QSOX1: variants seen among roughly 807,000 people sequenced by gnomAD.
The protein encoded by QSOX1 is quiescin sulfhydryl oxidase 1.
In QSOX1, 40 loss-of-function variants were observed where a neutral mutation model predicts 76.1. That is an observed-to-expected ratio of 0.53 (90% CI 0.41 to 0.68). The LOEUF (loss-of-function observed/expected upper bound fraction) is 0.68. Among genes scored for constraint, QSOX1 ranks in the 30% least tolerant of loss-of-function variants. The pLI is 0.00. For missense variants in QSOX1, 931 were observed against 974.3 expected (o/e 0.96, Z 0.59); for synonymous variants, 392 against 413.1 (o/e 0.95, Z 0.62).
At chr1:180,189,489 G>T in intron 8 of QSOX1, 63 bp from the exon 9 acceptor site, 1 of 1,374,550 alleles carries the variant, frequency 7.3e-7, no homozygotes, top group Non-Finnish European at 9.6e-7. Flanking sequence ...CCTACCATCT[G>T]CAGGACGGGG....
rs539799238 is a variant in QSOX1 at position 180,162,020 on chromosome 1, A to T, written c.266-4471A>T. On this transcript the variant is annotated intron_variant, in intron 1 of 11. Transcript: ENST00000367602. ...AAAGCAATTAACTGTAGACAATAAG[A>T]CTTAAAATGGTTGTGGTTAAAGATC... 1.7e-4 allele frequency among the ~76,000 whole-genome samples: 26 copies of T among 152,372 alleles called. No individual in the cohort carries two copies. The South Asian group carries it at 5.4e-3, about 32-fold the overall frequency.
In QSOX1 at chr1:180,196,891, G is replaced by A. The variant is rs767513827; in HGVS notation, c.2098G>A (p.Val700Met). 5.0e-6 allele frequency: 8 copies of A among 1,593,388 alleles called. No individual in the cohort carries two copies. Among genetic ancestry groups the A allele is most frequent in the East Asian group, 2.2e-5 (1 of 44,568 alleles). Residue 700 changes from valine (V) to methionine (M), a missense_variant, in exon 12 of 12, where the codon GTG (valine) becomes ATG (methionine). Val to Met is a conservative substitution (Grantham distance 21). Transcript: ENST00000367602. This position sits in a 1 kb window ranked among gnomAD's most constrained non-coding sequence, Gnocchi z 4.1. ...ACGGGGCCGAGGCCAGTGGCTGCAG[G>A]TGCTGGGAGGGGGCTTCTCTTACCT... Reference protein sequence around the residue: ...AGRGRGQWLQVLGGGFSYLDI... With the variant: ...AGRGRGQWLQMLGGGFSYLDI...
chr1:180,195,192 C>T (rs1045778173), intron 11 of QSOX1, among the ~76,000 whole-genome samples: 6 of 152,126 alleles, frequency 3.9e-5, no homozygotes, highest in South Asian at 2.1e-4. Context: ...CCCTTGACCT[C>T]GGCAGGCTCC....
chr1:180,184,853 G>A (rs1024575611), intron 7 of QSOX1, among the ~76,000 whole-genome samples: 1 of 152,192 alleles, frequency 6.6e-6, no homozygotes, highest in African/African-American at 2.4e-5. Context: ...CAAATGGAGA[G>A]ACTTTTAGTA....
At chr1:180,171,098 CTG>C (rs566301366) in intron 2 of QSOX1, among the ~76,000 whole-genome samples, 60 of 152,308 alleles carry the variant, frequency 3.9e-4, no homozygotes, top group African/African-American at 1.4e-3. Context: ...CAGACCAGAA[CTG>C]TGCCTTAGAA....
chr1:180,196,815 C>G lies in QSOX1; in HGVS notation c.2022C>G (p.Ser674Arg), dbSNP rs774813974. 9.3e-6 allele frequency: 15 copies of G among 1,611,130 alleles called. No homozygotes were observed. Among genetic ancestry groups the G allele is most frequent in the Admixed American group, 1.7e-5 (1 of 59,886 alleles). The change falls in exon 12 of 12, where the codon AGC becomes AGG. Residue 674 changes from serine to arginine, a missense_variant. By Grantham distance (110) the Ser-to-Arg change is moderately radical. Transcript: ENST00000367602. The surrounding 1 kb of genome is among the most constrained non-coding windows in gnomAD (Gnocchi z 4.1). ...TGGAGGTCAGGCGCGTGGGCCGCAG[C>G]TCCAAGCAGCTGGTCGACATCCCTG... ...GPLEVRRVGR[S>R]SKQLVDIPEG...
chr1:180,160,776 T>C (rs1408058967), intron 1 of QSOX1, among the ~76,000 whole-genome samples: 5 of 152,264 alleles, frequency 3.3e-5, no homozygotes, highest in African/African-American at 1.2e-4. Context: ...GGCATTTTGG[T>C]GAACTCTTTG....
chr1:180,170,993 G>A (rs187020131), intron 2 of QSOX1, among the ~76,000 whole-genome samples: 125 of 152,334 alleles, frequency 8.2e-4, no homozygotes, highest in Admixed American at 1.7e-3. Flanking sequence ...GTGAGTTTGG[G>A]TTTGGAGCCT....
chr1:180,156,124 A>G (rs1662372011), intron 1 of QSOX1, among the ~76,000 whole-genome samples: 1 of 152,244 alleles, frequency 6.6e-6, no homozygotes, highest in Non-Finnish European at 1.5e-5. Flanking sequence ...ATAGTAATTA[A>G]TATTTACGGA....
intron 2 of QSOX1, among the ~76,000 whole-genome samples, chr1:180,168,388 G>A: frequency 6.7e-6 from 1 of 149,464 alleles, no homozygotes; most frequent in East Asian, 2.4e-4. Flanking sequence ...GCCTCCCCCG[G>A]CAAAGCCTTT....
chr1:180,157,503 T>A (rs1190474066), intron 1 of QSOX1, among the ~76,000 whole-genome samples: 1 of 152,172 alleles, frequency 6.6e-6, no homozygotes. Flanking sequence ...TGAGGACACC[T>A]GTATCTTGAG....
intron 2 of QSOX1, among the ~76,000 whole-genome samples, chr1:180,167,687 C>T (rs559666555): frequency 5.1e-4 from 78 of 152,330 alleles, no homozygotes; most frequent in African/African-American, 1.8e-3. Context: ...AGGGTCAGGG[C>T]CCCCCAGGCC....
At chr1:180,175,207 G>A (rs1662860307) in intron 2 of QSOX1, 114 bp from the exon 3 acceptor site, 3 of 919,884 alleles carry the variant, frequency 3.3e-6, no homozygotes, top group South Asian at 2.7e-5. Flanking sequence ...ACAACATTAA[G>A]TGATTTGCCC....
intron 5 of QSOX1, 129 bp downstream of exon 5, chr1:180,179,013 G>T (rs961424671): frequency 1.3e-5 from 10 of 763,524 alleles, no homozygotes; most frequent in Non-Finnish European, 2.0e-5. Context: ...GCATTGGCCT[G>T]ACCCCTGCTG....
At chr1:180,178,728 G>A (rs983790422) in intron 4 of QSOX1, 66 bp from the exon 5 acceptor site, 173 of 1,431,232 alleles carry the variant, frequency 1.2e-4, no homozygotes, top group African/African-American at 1.5e-4. Context: ...AGCGTCTGGC[G>A]TTGCCAGCGG....
intron 5 of QSOX1, among the ~76,000 whole-genome samples, chr1:180,179,463 C>T (rs1288467518): frequency 2.0e-5 from 3 of 152,244 alleles, no homozygotes; most frequent in Non-Finnish European, 1.5e-5. Flanking sequence ...GGGATGATTA[C>T]GTTTCTCCGT....
intron 2 of QSOX1, among the ~76,000 whole-genome samples, chr1:180,169,056 C>T (rs1382750160): frequency 1.3e-5 from 2 of 152,252 alleles, no homozygotes; most frequent in Admixed American, 1.3e-4. Context: ...CCCCTTGTCA[C>T]TATGAGCAAA....
chr1:180,178,137 C>T (rs573514714), intron 4 of QSOX1, among the ~76,000 whole-genome samples: 1 of 152,336 alleles, frequency 6.6e-6, no homozygotes, highest in East Asian at 1.9e-4. Flanking sequence ...CACATCCAGT[C>T]AGCCTGGGCC....
chr1:180,195,008 A>C (rs1663431762), intron 11 of QSOX1, among the ~76,000 whole-genome samples: 2 of 146,566 alleles, frequency 1.4e-5, no homozygotes, highest in South Asian at 2.3e-4. Flanking sequence ...GGGGGGGGAG[A>C]CCAGGGCGGA....
Sources: gnomAD v4.1 joint callset for allele counts (sites outside exome capture counted in the v4.1 genomes callset) on GRCh38, gnomAD v4.1.1 for gene constraint, Gnocchi (gnomAD v3.1) non-coding constraint, MANE v1.5 for transcripts, NCBI Gene and HGNC (gene_info 2026-07-23, HGNC 2026-07-21) for gene names.